The following WASF3 variants were observed in gnomAD, a reference collection of about 807,000 sequenced individuals.
WASF3 encodes actin-binding protein WASF3.
A neutral mutation model predicts 46.6 loss-of-function variants in WASF3; 11 were observed. The observed-to-expected ratio is 0.24, with a 90% CI of 0.15 to 0.39. WASF3 has a LOEUF of 0.39. WASF3 is among the 10% of genes least tolerant of loss of function. The probability of loss-of-function intolerance (pLI) is 1.00; values close to 1 mark genes in which losing one functional copy is unlikely to be tolerated. For missense variants in WASF3, 576 were observed against 669.8 expected (o/e 0.86, Z 1.55); for synonymous variants, 242 against 259.7 (o/e 0.93, Z 0.65).
intron 2 of WASF3, among the ~76,000 whole-genome samples, chr13:26,615,594 A>C (rs757770807): frequency 6.6e-6 from 1 of 152,222 alleles, no homozygotes; most frequent in African/African-American, 2.4e-5. Flanking sequence ...AGTGTGAGCC[A>C]CTGTGCCCAG....
At chr13:26,588,082 G>T (rs1880183196) in intron 1 of WASF3, among the ~76,000 whole-genome samples, 1 of 152,174 alleles carries the variant, frequency 6.6e-6, no homozygotes, top group Admixed American at 6.5e-5. Context: ...AGTTACACAA[G>T]ACTCAGTCTA....
chr13:26,591,516 G>A (rs1330885308), intron 1 of WASF3, among the ~76,000 whole-genome samples: 2 of 152,072 alleles, frequency 1.3e-5, no homozygotes, highest in African/African-American at 4.8e-5. Context: ...GATGCCCAGG[G>A]TTTTTGACTT....
rs531419233 is a variant in WASF3, at chr13:26,685,625, C to G, written c.1352-63C>G. On this transcript the variant is annotated intron_variant, in intron 9 of 9. Coordinates refer to ENST00000335327, the MANE Select transcript of WASF3 (RefSeq NM_006646.6). ...AAAAAGTCCAATAGACATATTTGTT[C>G]GTTTATCTTTAATTTGGAGCCAGCA... is the stretch of plus-strand genomic sequence containing the variant. 28 of 1,582,826 alleles carry G rather than the reference C, an allele frequency of 1.8e-5. No individual in the cohort carries two copies. The African/African-American group carries it at 3.8e-4, about 21-fold the overall frequency.
chr13:26,680,139 T>G, intron 7 of WASF3: 1 of 1,597,814 alleles, frequency 6.3e-7, no homozygotes, highest in East Asian at 2.2e-5. Context: ...GCATTGAGTT[T>G]ATGAGTGACG....
At chr13:26,569,716 T>G (rs1879576843) in intron 1 of WASF3, among the ~76,000 whole-genome samples, 1 of 151,790 alleles carries the variant, frequency 6.6e-6, no homozygotes, top group African/African-American at 2.4e-5. Flanking sequence ...CGAGGAGAAA[T>G]TGATAGAATA....
chr13:26,564,900 GTTTTTTTTTTTTT>G (rs66809412), intron 1 of WASF3, among the ~76,000 whole-genome samples: 2 of 81,634 alleles, frequency 2.4e-5, no homozygotes, highest in African/African-American at 9.6e-5. Flanking sequence ...CAAGGTTGTG[GTTTTTTTTTTTTT>G]TTTTTTTTTT....
intron 1 of WASF3, among the ~76,000 whole-genome samples, chr13:26,562,324 G>T (rs1879317761): frequency 6.6e-6 from 1 of 152,162 alleles, no homozygotes; most frequent in Non-Finnish European, 1.5e-5. Context: ...AGCAGGCAGG[G>T]CGTGCTCAGC....
Position 26,618,396 on chromosome 13 carries a change from C to G in WASF3, c.-11+5338C>G, listed in dbSNP as rs538481717. Among the ~76,000 whole-genome samples the G allele has an allele frequency of 4.6e-5, 7 of 152,172 alleles. No homozygotes were observed. In the East Asian group the frequency reaches 1.4e-3, roughly 29 times the overall value. On this transcript the variant is annotated intron_variant, in intron 2 of 9. Coordinates refer to ENST00000335327, the MANE Select transcript of WASF3 (RefSeq NM_006646.6). Reference sequence around the variant, plus strand: ...TTTGAGTCTCAGCTCTGTTCCTCCTCCCTTAGAATAATAAATTCATTATTA... The same window carrying G: ...TTTGAGTCTCAGCTCTGTTCCTCCTGCCTTAGAATAATAAATTCATTATTA...
At chr13:26,616,546 A>AT (rs940643649) in intron 2 of WASF3, among the ~76,000 whole-genome samples, 9 of 151,792 alleles carry the variant, frequency 5.9e-5, no homozygotes, top group South Asian at 2.1e-4. Flanking sequence ...TTTTAATAGC[A>AT]TTTTTTTTCC....
At chr13:26,647,858 C>G (rs1053701967) in intron 3 of WASF3, among the ~76,000 whole-genome samples, 1 of 151,932 alleles carries the variant, frequency 6.6e-6, no homozygotes, top group South Asian at 2.1e-4. Context: ...TACAAAATTC[C>G]GTTAATCAGA....
At chr13:26,618,038 C>T (rs1386637913) in intron 2 of WASF3, among the ~76,000 whole-genome samples, 3 of 152,156 alleles carry the variant, frequency 2.0e-5, no homozygotes, top group Non-Finnish European at 2.9e-5. Context: ...AACCTCTTTC[C>T]CTTCTAAATT....
At chr13:26,647,205 G>C (rs1289510427) in intron 3 of WASF3, among the ~76,000 whole-genome samples, 1 of 152,042 alleles carries the variant, frequency 6.6e-6, no homozygotes, top group Non-Finnish European at 1.5e-5. Flanking sequence ...TGACGATATA[G>C]TTTAAAAAGA....
At chr13:26,646,250 T>C (rs1198446484) in intron 3 of WASF3, among the ~76,000 whole-genome samples, 1 of 152,190 alleles carries the variant, frequency 6.6e-6, no homozygotes, top group Non-Finnish European at 1.5e-5. Flanking sequence ...TGCAAATATA[T>C]ATGAGCTAAA....
At position 26,647,140 on chromosome 13, in the gene WASF3, A is replaced by G. The variant is rs61945619; in HGVS notation, c.133+4737A>G. Among the ~76,000 whole-genome samples the G allele has an allele frequency of 4.3e-3, 655 of 152,358 alleles. 2 individuals are homozygous for G. Among genetic ancestry groups the G allele is most frequent in the Admixed American group, 7.3e-3 (111 of 15,308 alleles). ...GAATTGAAATCTTTCCAGTGAGACT[A>G]TATTGAATTTGGTAACAGTCATAGA... On this transcript the variant is annotated intron_variant, in intron 3 of 9. Transcript: ENST00000335327.
At chr13:26,654,989 T>G (rs543913120) in intron 3 of WASF3, among the ~76,000 whole-genome samples, 1 of 152,218 alleles carries the variant, frequency 6.6e-6, no homozygotes, top group Non-Finnish European at 1.5e-5. Flanking sequence ...TTTTAACTTT[T>G]CATTTTGAAA....
At chr13:26,552,217 T>G in the WASF3 span, among the ~76,000 whole-genome samples, 1 of 152,214 alleles carries the variant, frequency 6.6e-6, no homozygotes, top group Non-Finnish European at 1.5e-5. Context: ...GGGCCTTATC[T>G]ATAAAATGGG....
At chr13:26,566,019 C>T (rs934668743) in intron 1 of WASF3, among the ~76,000 whole-genome samples, 1 of 152,156 alleles carries the variant, frequency 6.6e-6, no homozygotes, top group African/African-American at 2.4e-5. Context: ...AGAACAGCTG[C>T]GTTACATTAA....
At chr13:26,589,823 A>G (rs900051942) in intron 1 of WASF3, among the ~76,000 whole-genome samples, 1 of 152,174 alleles carries the variant, frequency 6.6e-6, no homozygotes, top group Admixed American at 6.5e-5. Flanking sequence ...AACATACTCA[A>G]TTTGACTAGA....
intron 1 of WASF3, among the ~76,000 whole-genome samples, chr13:26,580,584 G>A (rs1383571645): frequency 6.6e-6 from 1 of 150,918 alleles, no homozygotes; most frequent in Admixed American, 6.6e-5. Context: ...CTAATTCTCA[G>A]GTCAAATTAT....
Sources: allele counts gnomAD v4.1 joint callset (sites outside exome capture counted in the v4.1 genomes callset), GRCh38; gene constraint gnomAD v4.1.1; transcripts MANE v1.5; gene names NCBI Gene and HGNC (gene_info 2026-07-23, HGNC 2026-07-21).